Variants in RPA3 observed in about 807,000 individuals in gnomAD.
The protein encoded by RPA3 is replication protein A3, also known as replication protein A 14 kDa subunit.
In RPA3, 24 loss-of-function variants were observed where a neutral mutation model predicts 13.7. The observed-to-expected ratio is 1.75, with a 90% CI of 1.27 to 2.46. The LOEUF (loss-of-function observed/expected upper bound fraction) is 2.46. Ranked by LOEUF, RPA3 falls within the 30% of genes most tolerant of loss-of-function variation. RPA3 has a pLI of 0.00. For synonymous variants in RPA3, 59 were observed against 51.2 expected, an observed-to-expected ratio of 1.15 and a Z score of -0.65; for missense variants, 183 against 151.0, an observed-to-expected ratio of 1.21 and a Z score of -1.11.
At chr7:7,658,959 A>T (rs1179994159) in intron 4 of RPA3, among the ~76,000 whole-genome samples, 1 of 152,122 alleles carries the variant, frequency 6.6e-6, no homozygotes, top group Non-Finnish European at 1.5e-5. Context: ...TTGGTAGGCT[A>T]TTAATTACTG....
intron 6 of RPA3, 168 bp downstream of exon 6, chr7:7,638,902 G>A: frequency 2.3e-6 from 1 of 432,384 alleles, no homozygotes; most frequent in Non-Finnish European, 4.1e-6. Context: ...AAATGTAAAA[G>A]GAAATATAAT....
At chr7:7,673,135 G>C (rs1223639933) in intron 4 of RPA3, among the ~76,000 whole-genome samples, 1 of 152,178 alleles carries the variant, frequency 6.6e-6, no homozygotes, top group Non-Finnish European at 1.5e-5. Context: ...TAAATTGGAA[G>C]ATCATTTTCT....
chr7:7,650,663 G>T (rs1389063691), intron 4 of RPA3, among the ~76,000 whole-genome samples: 1 of 152,212 alleles, frequency 6.6e-6, no homozygotes, highest in African/African-American at 2.4e-5. Flanking sequence ...CAAAGTTTAA[G>T]CTGGTTAAAG....
chr7:7,671,829 A>G (rs1779612837), intron 4 of RPA3, among the ~76,000 whole-genome samples: 1 of 152,158 alleles, frequency 6.6e-6, no homozygotes, highest in Non-Finnish European at 1.5e-5. Flanking sequence ...ATCTATTACT[A>G]TATCCAGTAA....
intron 4 of RPA3, among the ~76,000 whole-genome samples, chr7:7,655,927 C>T (rs1001099449): frequency 6.6e-6 from 1 of 152,122 alleles, no homozygotes; most frequent in African/African-American, 2.4e-5. Context: ...CCTCCACCTC[C>T]TGGGTTCCAG....
At chr7:7,704,853 G>A (rs1003962717) in intron 2 of RPA3, among the ~76,000 whole-genome samples, 2 of 150,706 alleles carry the variant, frequency 1.3e-5, no homozygotes, top group African/African-American at 4.9e-5. Flanking sequence ...TCACAAAAGG[G>A]TCATCAATTG....
intron 2 of RPA3, among the ~76,000 whole-genome samples, chr7:7,701,610 T>C (rs975003707): frequency 6.6e-6 from 1 of 152,216 alleles, no homozygotes; most frequent in African/African-American, 2.4e-5. Context: ...GATTCAGAGT[T>C]GACCTTATGG....
intron 6 of RPA3, 129 bp downstream of exon 6, chr7:7,638,941 C>T (rs1784907273): frequency 1.8e-6 from 1 of 559,172 alleles, no homozygotes. Flanking sequence ...TTAAATTTTA[C>T]AGCCAGGGAC....
chr7:7,673,310 TA>T, intron 4 of RPA3: 1 of 1,032,944 alleles, frequency 9.7e-7, no homozygotes, highest in East Asian at 2.7e-5. Flanking sequence ...CTATTTCAGG[TA>T]GCAGCAGCAG....
rs556310636 is a variant in RPA3, at chr7:7,675,199, T to G, written c.-758+10631A>C. On this transcript the variant is annotated intron_variant, in intron 4 of 7. Coordinates refer to ENST00000223129, the MANE Select transcript of RPA3 (RefSeq NM_002947.5). ...TTGTCTTTATGATTAGAAATTGACA[T>G]TATTCTTTTTGTTATCAAATAGCCA... Among the ~76,000 whole-genome samples, 11 of 152,298 alleles carry G rather than the reference T, an allele frequency of 7.2e-5. No homozygotes were observed. In the South Asian group the frequency reaches 2.3e-3, roughly 32 times the overall value.
intron 4 of RPA3, among the ~76,000 whole-genome samples, chr7:7,673,699 C>CT (rs202026468): frequency 0.049 from 4,002 of 81,742 alleles, 176 homozygotes; most frequent in African/African-American, 0.13. Context: ...AAAATCACTT[C>CT]TTTTTCCCCC....
At chr7:7,676,845 G>T (rs1378320892) in intron 4 of RPA3, among the ~76,000 whole-genome samples, 1 of 152,030 alleles carries the variant, frequency 6.6e-6, no homozygotes, top group African/African-American at 2.4e-5. Context: ...AGATTATTAG[G>T]AATATAGTTA....
intron 4 of RPA3, among the ~76,000 whole-genome samples, chr7:7,655,978 G>A (rs1193012769): frequency 6.6e-6 from 1 of 152,152 alleles, no homozygotes; most frequent in Non-Finnish European, 1.5e-5. Flanking sequence ...TGGGATTACA[G>A]GCATGCGCCA....
intron 4 of RPA3, among the ~76,000 whole-genome samples, chr7:7,648,831 C>T (rs902576803): frequency 3.3e-5 from 5 of 149,646 alleles, no homozygotes; most frequent in African/African-American, 1.2e-4. Context: ...CCAGCCTGGG[C>T]GACAGAGTGA....
In RPA3 at chr7:7,637,092, A is replaced by T; in HGVS notation, c.284-10T>A. The T allele has an allele frequency of 6.4e-7, 1 of 1,564,584 alleles. No individual in the cohort carries two copies. On this transcript the variant is annotated splice_polypyrimidine_tract_variant and intron_variant, in intron 7 of 7. Coordinates refer to ENST00000223129, the MANE Select transcript of RPA3 (RefSeq NM_002947.5). ...TTGTAAAGTCCAAGATCTGAAAGAAACATTTAAGCAAACATTTAATCTACA... is the reference window on the plus strand; with the variant it reads ...TTGTAAAGTCCAAGATCTGAAAGAATCATTTAAGCAAACATTTAATCTACA...
chr7:7,642,183 G>A (rs1249416787), intron 4 of RPA3, among the ~76,000 whole-genome samples: 1 of 152,124 alleles, frequency 6.6e-6, no homozygotes, highest in East Asian at 1.9e-4. Context: ...CACCCAGACT[G>A]GAGTGCAGTA....
intron 4 of RPA3, among the ~76,000 whole-genome samples, chr7:7,670,728 C>T (rs1779585838): frequency 6.6e-6 from 1 of 152,160 alleles, no homozygotes; most frequent in Non-Finnish European, 1.5e-5. Flanking sequence ...AAGTAATCTG[C>T]CCCTCCTTTA....
chr7:7,640,280 A>C (rs922832064), intron 5 of RPA3, 40 bp downstream of exon 5: 25 of 1,601,752 alleles, frequency 1.6e-5, no homozygotes, highest in Non-Finnish European at 2.1e-5. Context: ...CCCTCCCTCC[A>C]GCTACGGACT....
chr7:7,696,866 T>C (rs1451831052), intron 2 of RPA3, among the ~76,000 whole-genome samples: 4 of 152,122 alleles, frequency 2.6e-5, no homozygotes, highest in African/African-American at 9.7e-5. Context: ...GCTGCCCTTT[T>C]CAGACATTCC....
Sources: gnomAD v4.1 joint callset for allele counts (sites outside exome capture counted in the v4.1 genomes callset) on GRCh38, gnomAD v4.1.1 for gene constraint, MANE v1.5 for transcripts, NCBI Gene and HGNC (gene_info 2026-07-23, HGNC 2026-07-21) for gene names.